Variants in SPOCK1 observed in about 807,000 individuals in gnomAD.
The protein encoded by SPOCK1 is SPARC (osteonectin), cwcv and kazal like domains proteoglycan 1.
A neutral mutation model predicts 55.3 loss-of-function variants in SPOCK1; 23 were observed. The observed-to-expected ratio is 0.42, with a 90% CI of 0.30 to 0.59. SPOCK1 has a LOEUF of 0.59. Among genes scored for constraint, SPOCK1 ranks in the 20% least tolerant of loss-of-function variants. The pLI is 0.22. For missense variants in SPOCK1, 499 were observed against 552.5 expected (o/e 0.90, Z 0.97); for synonymous variants, 226 against 221.0 (o/e 1.02, Z -0.20).
intron 2 of SPOCK1, among the ~76,000 whole-genome samples, chr5:137,455,309 G>A (rs1050835424): frequency 3.0e-4 from 46 of 152,270 alleles, no homozygotes; most frequent in South Asian, 8.3e-4. Context: ...GGACTTGCCC[G>A]GAGTCCCACA....
intron 2 of SPOCK1, among the ~76,000 whole-genome samples, chr5:137,413,818 T>C (rs1353894003): frequency 6.6e-6 from 1 of 152,204 alleles, no homozygotes; most frequent in Non-Finnish European, 1.5e-5. Flanking sequence ...CTGTTCATAA[T>C]GAGCCCCTAC....
intron 3 of SPOCK1, among the ~76,000 whole-genome samples, chr5:137,172,367 T>C (rs967591540): frequency 1.3e-5 from 2 of 152,156 alleles, no homozygotes; most frequent in Admixed American, 1.3e-4. Flanking sequence ...TATCTCTCCA[T>C]TAATAGACAG....
intron 6 of SPOCK1, among the ~76,000 whole-genome samples, chr5:137,030,799 A>C (rs1308390482): frequency 6.6e-6 from 1 of 152,212 alleles, no homozygotes; most frequent in African/African-American, 2.4e-5. Context: ...AATGCTAACA[A>C]AATATTTTGA....
chr5:137,422,880 G>C (rs1417938720), intron 2 of SPOCK1, among the ~76,000 whole-genome samples: 1 of 152,186 alleles, frequency 6.6e-6, no homozygotes, highest in Non-Finnish European at 1.5e-5. Flanking sequence ...AGAGTTTCCA[G>C]TTTTTCTGCT....
intron 2 of SPOCK1, among the ~76,000 whole-genome samples, chr5:137,409,612 CA>C (rs1414328039): frequency 6.6e-6 from 1 of 152,186 alleles, no homozygotes; most frequent in African/African-American, 2.4e-5. Flanking sequence ...CATTTTAACA[CA>C]TGATAAATTA....
intron 4 of SPOCK1, among the ~76,000 whole-genome samples, chr5:137,137,905 G>C (rs1036367740): frequency 2.0e-5 from 3 of 152,126 alleles, no homozygotes; most frequent in Non-Finnish European, 2.9e-5. Flanking sequence ...TGTACGAACA[G>C]CTGCTATTAT....
chr5:137,168,580 A>G (rs1200405384), intron 3 of SPOCK1, among the ~76,000 whole-genome samples: 1 of 152,138 alleles, frequency 6.6e-6, no homozygotes, highest in Non-Finnish European at 1.5e-5. Flanking sequence ...AGACTATACA[A>G]ATGGCAAGCA....
intron 2 of SPOCK1, among the ~76,000 whole-genome samples, chr5:137,430,051 A>C (rs1163276219): frequency 6.6e-6 from 1 of 152,208 alleles, no homozygotes; most frequent in African/African-American, 2.4e-5. Flanking sequence ...AGAGCATTTC[A>C]TATTGAGCAG....
intron 5 of SPOCK1, among the ~76,000 whole-genome samples, chr5:137,097,878 T>G (rs893775429): frequency 6.6e-6 from 1 of 152,016 alleles, no homozygotes; most frequent in African/African-American, 2.4e-5. Context: ...CAACCAGAGG[T>G]GCCTGCTGCC....
chr5:137,484,510 T>C (rs1370971833), intron 2 of SPOCK1, among the ~76,000 whole-genome samples: 3 of 152,222 alleles, frequency 2.0e-5, no homozygotes, highest in African/African-American at 7.2e-5. Context: ...TAACCTGGCA[T>C]GCCATGTTTC....
rs200949804 is a variant in SPOCK1 at position 137,160,497 on chromosome 5, C to CTATA, written c.233-19807_233-19804dup. On this transcript the variant is annotated intron_variant, in intron 3 of 10. Coordinates refer to ENST00000394945, the MANE Select transcript of SPOCK1 (RefSeq NM_004598.4). ...AGTTGAAATGCAGCCAACACCTGGG[C>CTATA]TATATATATATACACATATATATAT... Among the ~76,000 whole-genome samples, 9 of 86,424 alleles carry CTATA rather than the reference C, an allele frequency of 1.0e-4. No homozygotes were observed. The South Asian group carries it at 1.6e-3, about 15-fold the overall frequency. The allele number at this position is 86,424 out of a possible 152,430, so 56.7% of individuals were successfully genotyped here. A position where few individuals can be genotyped will look rare whatever the true frequency, so the allele number is the denominator to read the frequency against.
At chr5:137,384,242 G>T (rs1751549478) in intron 2 of SPOCK1, among the ~76,000 whole-genome samples, 1 of 152,220 alleles carries the variant, frequency 6.6e-6, no homozygotes, top group Non-Finnish European at 1.5e-5. Context: ...TGAGGAATAA[G>T]CACAAATGCT....
rs915969090 is a variant in SPOCK1, at chr5:137,224,045, TAAC to T, written c.232+42962_232+42964del. On this transcript the variant is annotated intron_variant, in intron 3 of 10. Transcript: ENST00000394945. ...GAGATTCCAATTTCCTGCAACACTC[TAAC>T]ATTATAACAGATGCTAAACAAACTT... 5.8e-4 allele frequency among the ~76,000 whole-genome samples: 89 copies of T among 152,356 alleles called. 1 individual carries two copies. Among genetic ancestry groups the T allele is most frequent in the African/African-American group, 2.0e-3 (84 of 41,584 alleles).
intron 2 of SPOCK1, among the ~76,000 whole-genome samples, chr5:137,354,861 T>C (rs1006045577): frequency 1.3e-5 from 2 of 152,206 alleles, no homozygotes; most frequent in African/African-American, 4.8e-5. Context: ...GTATCACTTA[T>C]TGACTGTATC....
chr5:137,441,978 G>A (rs115219708), intron 2 of SPOCK1, among the ~76,000 whole-genome samples: 4 of 152,164 alleles, frequency 2.6e-5, no homozygotes, highest in Non-Finnish European at 4.4e-5. Context: ...CAGGGTGTTT[G>A]ATAGCATCAC....
At chr5:136,983,508 A>AAGAAGGAAAATGT (rs1255167559) in intron 9 of SPOCK1, among the ~76,000 whole-genome samples, 1 of 152,136 alleles carries the variant, frequency 6.6e-6, no homozygotes, top group African/African-American at 2.4e-5. Context: ...GTAGATAGAA[A>AAGAAGGAAAATGT]AGAAGGAAAA....
chr5:137,243,340 G>A (rs182141859), intron 3 of SPOCK1, among the ~76,000 whole-genome samples: 27 of 152,222 alleles, frequency 1.8e-4, no homozygotes, highest in African/African-American at 6.3e-4. Context: ...AGGCAGGCTA[G>A]TATTTTATAT....
chr5:137,404,485 C>T (rs1375303389), intron 2 of SPOCK1, among the ~76,000 whole-genome samples: 2 of 149,962 alleles, frequency 1.3e-5, no homozygotes, highest in South Asian at 2.1e-4. Flanking sequence ...TCTTGGCTCA[C>T]TGCAAACTCT....
chr5:137,451,638 C>A (rs899647550), intron 2 of SPOCK1, among the ~76,000 whole-genome samples: 2 of 152,202 alleles, frequency 1.3e-5, no homozygotes, highest in South Asian at 2.1e-4. Flanking sequence ...AAATCTCATT[C>A]CCTTGATCTA....
Sources: gnomAD v4.1 joint callset for allele counts (sites outside exome capture counted in the v4.1 genomes callset) on GRCh38, gnomAD v4.1.1 for gene constraint, MANE v1.5 for transcripts, NCBI Gene and HGNC (gene_info 2026-07-23, HGNC 2026-07-21) for gene names.